Variants in PLD1 observed in about 807,000 individuals in gnomAD.
The protein encoded by PLD1 is choline phosphatase 1.
PLD1 carries 112 observed loss-of-function variants against 137.1 expected under a neutral mutation model. That is an observed-to-expected ratio of 0.82 (90% confidence interval 0.70 to 0.96). The LOEUF is 0.96. PLD1 is among the 40% of genes least tolerant of loss of function. The probability of loss-of-function intolerance (pLI) is 0.00; values close to 1 mark genes in which losing one functional copy is unlikely to be tolerated. For synonymous variants in PLD1, 431 were observed against 454.7 expected, an observed-to-expected ratio of 0.95 and a Z score of 0.66; for missense variants, 1,321 against 1,342.0, an observed-to-expected ratio of 0.98 and a Z score of 0.24.
At chr3:171,782,927 A>T (rs1025430374) in intron 1 of PLD1, among the ~76,000 whole-genome samples, 4 of 152,210 alleles carry the variant, frequency 2.6e-5, no homozygotes, top group African/African-American at 9.6e-5. Flanking sequence ...CAAGAGCAAC[A>T]GATGGGGTCC....
chr3:171,693,873 A>G (rs1715437286), intron 12 of PLD1, among the ~76,000 whole-genome samples: 1 of 152,148 alleles, frequency 6.6e-6, no homozygotes, highest in Non-Finnish European at 1.5e-5. Context: ...AATCTTTAAG[A>G]TATCTTACTG....
At chr3:171,776,028 C>T (rs1258662279) in intron 1 of PLD1, among the ~76,000 whole-genome samples, 3 of 152,174 alleles carry the variant, frequency 2.0e-5, no homozygotes, top group African/African-American at 4.8e-5. Flanking sequence ...CGTGACTCCA[C>T]ACCCTAAAAT....
rs112036117 is a variant in PLD1, at chr3:171,700,034, T to TTCTC, written c.1146-212_1146-209dup. On this transcript the variant is annotated intron_variant, in intron 11 of 26. Transcript: ENST00000351298. ...TATACAAAACATCAATCTTAGTTCT[T>TTCTC]TCTCTCTCTCTCTCTCTCTCCCCCC... Among the ~76,000 whole-genome samples, 115 of 148,708 alleles carry TTCTC rather than the reference T, an allele frequency of 7.7e-4. 1 individual carries two copies. Among genetic ancestry groups the TTCTC allele is most frequent in the African/African-American group, 2.8e-3 (112 of 40,078 alleles).
chr3:171,647,886 T>G (rs544047148), intron 21 of PLD1, among the ~76,000 whole-genome samples: 4 of 152,192 alleles, frequency 2.6e-5, no homozygotes, highest in Non-Finnish European at 5.9e-5. Flanking sequence ...TGTTTTTCCC[T>G]GCCTGCACCC....
intron 23 of PLD1, among the ~76,000 whole-genome samples, chr3:171,628,687 G>A (rs1734363565): frequency 6.6e-6 from 1 of 150,726 alleles, no homozygotes; most frequent in Non-Finnish European, 1.5e-5. Flanking sequence ...TTCATCCCTG[G>A]GATGCAAGGC....
At chr3:171,772,800 C>T (rs1297416581) in intron 1 of PLD1, among the ~76,000 whole-genome samples, 1 of 152,136 alleles carries the variant, frequency 6.6e-6, no homozygotes, top group Non-Finnish European at 1.5e-5. Flanking sequence ...AATTTTTCCC[C>T]ACAATAGTGA....
intron 4 of PLD1, 121 bp downstream of exon 4, chr3:171,735,371 A>G: frequency 3.7e-6 from 3 of 811,304 alleles, no homozygotes; most frequent in Non-Finnish European, 2.1e-6. Context: ...CATGACCTCA[A>G]CTGATCCTCC....
chr3:171,711,672 G>T (rs1244965245), intron 9 of PLD1, among the ~76,000 whole-genome samples: 1 of 152,094 alleles, frequency 6.6e-6, no homozygotes, highest in East Asian at 1.9e-4. Context: ...TGGTGTGAGT[G>T]TGGGAGGTGG....
In PLD1 at chr3:171,674,561, G is replaced by T; in HGVS notation, c.2168C>A (p.Ser723Tyr). The change falls in exon 19 of 27, where the codon TCT becomes TAT. Residue 723 changes from serine to tyrosine, a missense_variant. By Grantham distance (144) the Ser-to-Tyr change is moderately radical. Transcript: ENST00000351298. Reference protein sequence around the residue: ...SLSYPFLLPKSQTTAHELRYQ... With the variant: ...SLSYPFLLPKYQTTAHELRYQ... ...TCTCAACTCATGGGCTGTTGTTTGA[G>T]ACTTTGGAAGCAGAAAAGGATAAGA... 1 of 1,611,412 alleles carries T rather than the reference G, an allele frequency of 6.2e-7. No individual in the cohort carries two copies. The highest frequency in any genetic ancestry group is 8.5e-7 in the Non-Finnish European group (1 of 1,177,678).
intron 1 of PLD1, among the ~76,000 whole-genome samples, chr3:171,777,517 C>A (rs1015664992): frequency 3.3e-5 from 5 of 152,368 alleles, no homozygotes; most frequent in Admixed American, 3.3e-4. Flanking sequence ...ACTGCCCTAG[C>A]AGTTCCTTTA....
rs1008579005 is a variant in PLD1, at chr3:171,724,927, A to G, written c.666-139T>C. 26 of 665,032 alleles carry G rather than the reference A, an allele frequency of 3.9e-5. No individual in the cohort carries two copies. The South Asian group carries it at 4.3e-4, about 11-fold the overall frequency. The allele number at this position is 665,032 out of a possible 1,614,324, so 41.2% of individuals were successfully genotyped here. A position where few individuals can be genotyped will look rare whatever the true frequency, so the allele number is the denominator to read the frequency against. ...CCCTACTCTCTCCTCCTCGCTCTCA[A>G]CTAGCTCAGTGCCCTGTTAGGCCGG... is the stretch of plus-strand genomic sequence containing the variant. On this transcript the variant is annotated intron_variant, in intron 7 of 26. Transcript: ENST00000351298.
At chr3:171,778,652 A>C (rs1722668911) in intron 1 of PLD1, among the ~76,000 whole-genome samples, 1 of 152,226 alleles carries the variant, frequency 6.6e-6, no homozygotes, top group African/African-American at 2.4e-5. Flanking sequence ...CCCAGAGGCC[A>C]ATACAAACTT....
At chr3:171,712,022 C>T (rs1487631080) in intron 9 of PLD1, among the ~76,000 whole-genome samples, 3 of 152,040 alleles carry the variant, frequency 2.0e-5, no homozygotes, top group Non-Finnish European at 2.9e-5. Flanking sequence ...GAAGACTATG[C>T]GTGAGGAGGG....
chr3:171,639,696 T>TAG (rs1735563125), intron 23 of PLD1, among the ~76,000 whole-genome samples: 1 of 128,496 alleles, frequency 7.8e-6, no homozygotes, highest in Admixed American at 9.4e-5. Context: ...CCTATTCATA[T>TAG]AATATATATT....
chr3:171,676,879 G>T, intron 17 of PLD1, 46 bp from the exon 18 acceptor site: 1 of 1,333,882 alleles, frequency 7.5e-7, no homozygotes, highest in Non-Finnish European at 1.1e-6. Flanking sequence ...CTTCAGTGTT[G>T]GGGCAAAGTC....
Position 171,692,394 on chromosome 3 carries a change from C to A in PLD1, c.1276G>T (p.Ala426Ser). The stretch of plus-strand genomic sequence containing the variant: ...GTGTATTCACTATTGATGCCAAGAG[C>A]GAGTTCCACCTCTTTGTAGAGCATT... ...FIMLYKEVEL[A>S]LGINSEYTKR... The change falls in exon 13 of 27, where the codon GCT (alanine) becomes TCT (serine). Residue 426 changes from alanine to serine, a missense_variant. Ala to Ser is a moderately conservative substitution (Grantham distance 99). Transcript: ENST00000351298. 2 of 1,606,156 alleles carry A rather than the reference C, an allele frequency of 1.2e-6. No individual in the cohort carries two copies. The highest frequency in any genetic ancestry group is 2.2e-5 in the South Asian group (2 of 90,936).
intron 16 of PLD1, among the ~76,000 whole-genome samples, chr3:171,685,077 T>C (rs904994977): frequency 2.6e-5 from 4 of 152,252 alleles, no homozygotes; most frequent in Non-Finnish European, 5.9e-5. Flanking sequence ...GCTTTGAATG[T>C]GGCCCAACAC....
chr3:171,709,995 G>C (rs1233820876), intron 9 of PLD1, among the ~76,000 whole-genome samples: 1 of 152,190 alleles, frequency 6.6e-6, no homozygotes, highest in Non-Finnish European at 1.5e-5. Flanking sequence ...AGAGGGGTAA[G>C]GTGAGGTTCT....
intron 9 of PLD1, among the ~76,000 whole-genome samples, chr3:171,710,291 G>C (rs1033541598): frequency 6.6e-6 from 1 of 152,044 alleles, no homozygotes; most frequent in Non-Finnish European, 1.5e-5. Context: ...TCGATCTCCT[G>C]ACCTCGTGAT....
Sources: gnomAD v4.1 joint callset for allele counts (sites outside exome capture counted in the v4.1 genomes callset) on GRCh38, gnomAD v4.1.1 for gene constraint, MANE v1.5 for transcripts, NCBI Gene and HGNC (gene_info 2026-07-23, HGNC 2026-07-21) for gene names.